Variants in NKAIN4 observed in about 807,000 individuals in gnomAD.
NKAIN4 encodes sodium/potassium-transporting ATPase subunit beta-1-interacting protein 4.
NKAIN4 carries 28 observed loss-of-function variants against 28.8 expected under a neutral mutation model. That is an observed-to-expected ratio of 0.97 (90% CI 0.72 to 1.33). The LOEUF (loss-of-function observed/expected upper bound fraction) is 1.33, where lower values mean the gene tolerates loss of function less well. NKAIN4 is among the 40% of genes most tolerant of loss of function. NKAIN4 has a pLI of 0.00. For missense variants in NKAIN4, 289 were observed against 277.2 expected (o/e 1.04, Z -0.30); for synonymous variants, 122 against 115.6 (o/e 1.06, Z -0.36).
intron 4 of NKAIN4, 88 bp from the exon 5 acceptor site, chr20:63,244,172 G>A: frequency 5.9e-6 from 7 of 1,186,938 alleles, no homozygotes; most frequent in East Asian, 5.0e-5. Context: ...GCACTGGAGC[G>A]CCCCTGACCA....
chr20:63,249,597 G>A (rs750113453), intron 2 of NKAIN4, among the ~76,000 whole-genome samples: 2 of 152,278 alleles, frequency 1.3e-5, no homozygotes, highest in South Asian at 4.1e-4. Context: ...CTGGGCTTCC[G>A]ACAGTGATTC....
chr20:63,254,221 C>A (rs2067012261), intron 1 of NKAIN4, 176 bp downstream of exon 1: 2 of 499,610 alleles, frequency 4.0e-6, no homozygotes, highest in Non-Finnish European at 6.5e-6. Context: ...CTCCCCACGC[C>A]CCGCAGGCGA....
chr20:63,241,541 C>T (rs1248722094), intron 6 of NKAIN4, 35 bp from the exon 7 acceptor site: 1 of 1,548,496 alleles, frequency 6.5e-7, no homozygotes, highest in Non-Finnish European at 8.7e-7. Context: ...CCTGGGGGAA[C>T]AGGGCTGGGG....
Position 63,253,591 on chromosome 20 carries a change from G to A in NKAIN4, c.54+806C>T. The A allele has an allele frequency of 2.1e-5, 18 of 859,596 alleles. 1 individual carries two copies. The highest frequency in any genetic ancestry group is 2.4e-5 in the Non-Finnish European group (17 of 715,078). The allele number at this position is 859,596 out of a possible 1,614,324, so 53.2% of individuals were successfully genotyped here. A position where few individuals can be genotyped will look rare whatever the true frequency, so the allele number is the denominator to read the frequency against. On this transcript the variant is annotated intron_variant, in intron 1 of 6. Coordinates refer to ENST00000370316, the MANE Select transcript of NKAIN4 (RefSeq NM_152864.4). Reference sequence around the variant, plus strand: ...GGGAGACCCAGGGCCAATTAGCATCGAAGCAAAGCAGCTTCCCCAGCCTGG... The same window carrying A: ...GGGAGACCCAGGGCCAATTAGCATCAAAGCAAAGCAGCTTCCCCAGCCTGG...
rs537438815 is a variant in NKAIN4 at position 63,246,687 on chromosome 20, G to A, written c.471+891C>T. On this transcript the variant is annotated intron_variant, in intron 4 of 6. Transcript: ENST00000370316. ...GGAAAAGCCAGGGAGCCTCGAGATC[G>A]GTCAGAAGTTCCTCCAGCGACGGCA... 77 of 981,514 alleles carry A rather than the reference G, an allele frequency of 7.8e-5. No individual in the cohort carries two copies. In the East Asian group the frequency reaches 1.5e-3, roughly 19 times the overall value. The allele number at this position is 981,514 out of a possible 1,614,324, so 60.8% of individuals were successfully genotyped here. A position where few individuals can be genotyped will look rare whatever the true frequency, so the allele number is the denominator to read the frequency against.
chr20:63,254,344 C>A, intron 1 of NKAIN4, 53 bp downstream of exon 1: 2 of 1,363,078 alleles, frequency 1.5e-6, no homozygotes, highest in Non-Finnish European at 1.9e-6. Flanking sequence ...CCACAGCCGC[C>A]GTGGGTCGGG....
chr20:63,246,954 G>C, intron 4 of NKAIN4: 1 of 987,714 alleles, frequency 1.0e-6, no homozygotes, highest in Non-Finnish European at 1.2e-6. Flanking sequence ...CGTAGCCCCT[G>C]TTCTCTACCA....
In NKAIN4 at chr20:63,245,609, AC is replaced by A. The variant is rs1373953877; in HGVS notation, c.472-1526del. On this transcript the variant is annotated intron_variant, in intron 4 of 6. Coordinates refer to ENST00000370316, the MANE Select transcript of NKAIN4 (RefSeq NM_152864.4). This position sits in a 1 kb window ranked among gnomAD's most constrained non-coding sequence, Gnocchi z 4.7. The stretch of plus-strand genomic sequence containing the variant: ...TGGGATCTGCAGGCCCCGCACCCCA[AC>A]CCCCAGAGCCTGGCCTTGTCAGACG... Among the ~76,000 whole-genome samples, 1 of 150,422 alleles carries A rather than the reference AC, an allele frequency of 6.6e-6. No homozygotes were observed. Among genetic ancestry groups the A allele is most frequent in the Non-Finnish European group, 1.5e-5 (1 of 67,562 alleles).
intron 3 of NKAIN4, 76 bp from the exon 4 acceptor site, chr20:63,247,851 C>T (rs1006881834): frequency 1.3e-5 from 18 of 1,400,472 alleles, no homozygotes; most frequent in East Asian, 1.1e-4. Context: ...CCTGCGGGGA[C>T]GCCACCACAC....
chr20:63,243,884 G>T, intron 5 of NKAIN4, 140 bp downstream of exon 5: 1 of 676,890 alleles, frequency 1.5e-6, no homozygotes, highest in Non-Finnish European at 2.6e-6. Context: ...TCAGGCCTAC[G>T]GCCGTGAGCA....
chr20:63,242,138 C>G (rs555195260), intron 6 of NKAIN4, among the ~76,000 whole-genome samples: 1 of 152,314 alleles, frequency 6.6e-6, no homozygotes, highest in South Asian at 2.1e-4. Flanking sequence ...TTTCAAGAAA[C>G]AAGTCTGGTT....
chr20:63,248,001 C>A (rs887766531), intron 3 of NKAIN4: 2 of 481,918 alleles, frequency 4.2e-6, no homozygotes, highest in Non-Finnish European at 6.8e-6. Context: ...CACACACCTC[C>A]TCCTCCAGGA....
intron 1 of NKAIN4, chr20:63,254,014 C>A: frequency 4.7e-6 from 1 of 211,086 alleles, no homozygotes; most frequent in Non-Finnish European, 9.7e-6. Flanking sequence ...AACGCTCGCA[C>A]AGACAGAGAC....
upstream of NKAIN4, chr20:63,254,542 G>GCCCCCTCCGCATCCCGGTC (rs2067018560): frequency 4.6e-6 from 4 of 861,406 alleles, no homozygotes; most frequent in Non-Finnish European, 6.1e-6. Context: ...CCTGGACCCC[G>GCCCCCTCCGCATCCCGGTC]CCCCCTCCGC....
In NKAIN4 at chr20:63,245,511, C is replaced by T. The variant is rs1038478011; in HGVS notation, c.472-1427G>A. ...TGCTCCCCGCCCTGCACACCACCGC[C>T]TCCTGCCCATCCTCCTGGCTCCAGC... On this transcript the variant is annotated intron_variant, in intron 4 of 6. Coordinates refer to ENST00000370316, the MANE Select transcript of NKAIN4 (RefSeq NM_152864.4). The surrounding 1 kb of genome is among the most constrained non-coding windows in gnomAD (Gnocchi z 4.7). Among the ~76,000 whole-genome samples, 4 of 152,124 alleles carry T rather than the reference C, an allele frequency of 2.6e-5. No individual in the cohort carries two copies. The highest frequency in any genetic ancestry group is 1.5e-5 in the Non-Finnish European group (1 of 68,016).
chr20:63,244,419 T>C, intron 4 of NKAIN4: 1 of 501,770 alleles, frequency 2.0e-6, no homozygotes, highest in Non-Finnish European at 3.9e-6. Context: ...CCAGGCTGGA[T>C]GAACCCCAGG....
Position 63,245,140 on chromosome 20 carries a change from T to C in NKAIN4, c.472-1056A>G, listed in dbSNP as rs1054290025. Among the ~76,000 whole-genome samples the C allele has an allele frequency of 2.0e-5, 3 of 152,116 alleles. No homozygotes were observed. The highest frequency in any genetic ancestry group is 7.2e-5 in the African/African-American group (3 of 41,422). On this transcript the variant is annotated intron_variant, in intron 4 of 6. Transcript: ENST00000370316. The surrounding 1 kb of genome is among the most constrained non-coding windows in gnomAD (Gnocchi z 4.7). ...TGGTACAGGCAAGTTGGTGGTTGCT[T>C]TCCTGGAAATCCAGCTCCTTTCTAG...
In NKAIN4 at chr20:63,247,459, G is replaced by C. The variant is rs1007659004; in HGVS notation, c.471+119C>G. ...TCCAGCAAGGGTGGGGGATGAGGAA[G>C]GCAGAGACACGCCTGAGGCCAGGTC... is the stretch of plus-strand genomic sequence containing the variant. On this transcript the variant is annotated intron_variant, in intron 4 of 6. Coordinates refer to ENST00000370316, the MANE Select transcript of NKAIN4 (RefSeq NM_152864.4). 3 of 1,546,666 alleles carry C rather than the reference G, an allele frequency of 1.9e-6. No homozygotes were observed. The Admixed American group carries it at 5.9e-5, about 30-fold the overall frequency.
rs2066841712 is a variant in NKAIN4 at position 63,245,593 on chromosome 20, C to T, written c.472-1509G>A. Among the ~76,000 whole-genome samples the T allele has an allele frequency of 6.6e-6, 1 of 152,068 alleles. No individual in the cohort carries two copies. Among genetic ancestry groups the T allele is most frequent in the Non-Finnish European group, 1.5e-5 (1 of 67,990 alleles). ...CTGCTGCATGGAGGCCTGGGATCTG[C>T]AGGCCCCGCACCCCAACCCCCAGAG... is the stretch of plus-strand genomic sequence containing the variant. On this transcript the variant is annotated intron_variant, in intron 4 of 6. Transcript: ENST00000370316. This position sits in a 1 kb window ranked among gnomAD's most constrained non-coding sequence, Gnocchi z 4.7.
Sources: gnomAD v4.1 joint callset for allele counts (sites outside exome capture counted in the v4.1 genomes callset) on GRCh38, gnomAD v4.1.1 for gene constraint, Gnocchi (gnomAD v3.1) non-coding constraint, MANE v1.5 for transcripts, NCBI Gene and HGNC (gene_info 2026-07-23, HGNC 2026-07-21) for gene names.